The following PPP2R5A variants were observed in gnomAD, a reference collection of about 807,000 sequenced individuals.
PPP2R5A encodes the protein protein phosphatase 2 regulatory subunit B'alpha.
PPP2R5A carries 25 observed loss-of-function variants against 64.2 expected under a neutral mutation model. The ratio of observed to expected loss-of-function variants is 0.39; its 90% CI spans 0.28 to 0.54. The LOEUF (loss-of-function observed/expected upper bound fraction) is 0.54. Among genes scored for constraint, PPP2R5A ranks in the 20% least tolerant of loss-of-function variants. The pLI is 0.67. For missense variants in PPP2R5A, 425 were observed against 576.3 expected (o/e 0.74, Z 2.69); for synonymous variants, 198 against 201.2 (o/e 0.98, Z 0.13).
At chr1:212,356,270 ATT>A (rs1429888006) in intron 8 of PPP2R5A, among the ~76,000 whole-genome samples, 1 of 151,804 alleles carries the variant, frequency 6.6e-6, no homozygotes, top group Non-Finnish European at 1.5e-5. Context: ...ATTTTCCTTT[ATT>A]TTCTTAGAAG....
chr1:212,333,449 T>C (rs754124917), intron 2 of PPP2R5A, 48 bp from the exon 3 acceptor site: 20 of 1,225,002 alleles, frequency 1.6e-5, no homozygotes, highest in Non-Finnish European at 2.0e-5. Context: ...AATTGTCCAA[T>C]TCAATTACAC....
At position 212,350,836 on chromosome 1, in the gene PPP2R5A, T is replaced by G. The variant is rs149333392; in HGVS notation, c.927+1594T>G. 2.8e-3 allele frequency among the ~76,000 whole-genome samples: 426 copies of G among 151,510 alleles called. 17 individuals carry two copies. In the South Asian group the frequency reaches 0.067, roughly 24 times the overall value. On this transcript the variant is annotated intron_variant, in intron 8 of 12. Transcript: ENST00000261461. ...GGATAAGGAAGACAGGTGATTTATT[T>G]TTAAAGAATGGAAGATAGAGGCTGG...
At chr1:212,286,924 G>C (rs989564401) in intron 1 of PPP2R5A, among the ~76,000 whole-genome samples, 2 of 152,162 alleles carry the variant, frequency 1.3e-5, no homozygotes, top group Admixed American at 6.5e-5. Context: ...AGCTTTAAAT[G>C]GTATCCTTTA....
chr1:212,311,165 A>G (rs2102420211), intron 1 of PPP2R5A, among the ~76,000 whole-genome samples: 1 of 152,326 alleles, frequency 6.6e-6, no homozygotes, highest in African/African-American at 2.4e-5. Context: ...AACCAGCTGC[A>G]CTATCATATA....
rs77191229 is a variant in PPP2R5A, at chr1:212,294,934, A to G, written c.181+8643A>G. 1.4e-3 allele frequency among the ~76,000 whole-genome samples: 220 copies of G among 152,298 alleles called. 3 individuals carry two copies. The East Asian group carries it at 0.024, about 16-fold the overall frequency. The stretch of plus-strand genomic sequence containing the variant: ...GGCTAAGAGGTCCACCCAAAAGACA[A>G]TATATGGAGACCCAAAGGTAATTGA... On this transcript the variant is annotated intron_variant, in intron 1 of 12. Coordinates refer to ENST00000261461, the MANE Select transcript of PPP2R5A (RefSeq NM_006243.4).
At chr1:212,303,014 C>T (rs1473730240) in intron 1 of PPP2R5A, among the ~76,000 whole-genome samples, 1 of 152,082 alleles carries the variant, frequency 6.6e-6, no homozygotes, top group Non-Finnish European at 1.5e-5. Flanking sequence ...CATTTCAGTT[C>T]TTTCTACTGT....
At chr1:212,357,379 G>T in intron 11 of PPP2R5A, 95 bp downstream of exon 11, 1 of 1,192,932 alleles carries the variant, frequency 8.4e-7, no homozygotes. Flanking sequence ...ACCTATTACA[G>T]ATTTGGAAGT....
chr1:212,351,909 C>T (rs1659887358), intron 8 of PPP2R5A, among the ~76,000 whole-genome samples: 1 of 151,842 alleles, frequency 6.6e-6, no homozygotes, highest in South Asian at 2.1e-4. Context: ...CAAAACAAAA[C>T]ACCGTTCTTA....
At chr1:212,357,384 G>C in intron 11 of PPP2R5A, 100 bp downstream of exon 11, 1 of 1,137,018 alleles carries the variant, frequency 8.8e-7, no homozygotes. Context: ...TTACAGATTT[G>C]GAAGTTACTC....
intron 7 of PPP2R5A, among the ~76,000 whole-genome samples, chr1:212,348,827 AT>A (rs1280871372): frequency 6.6e-6 from 1 of 152,140 alleles, no homozygotes; most frequent in Admixed American, 6.5e-5. Context: ...AGTTAGAGAG[AT>A]TTTGGTCTCT....
intron 6 of PPP2R5A, 111 bp downstream of exon 6, chr1:212,347,517 G>C: frequency 1.3e-6 from 1 of 770,146 alleles, no homozygotes; most frequent in South Asian, 1.7e-5. Flanking sequence ...TTTAAATGTA[G>C]AACACATAGT....
At chr1:212,346,704 A>G (rs1454880869) in intron 5 of PPP2R5A, among the ~76,000 whole-genome samples, 4 of 152,202 alleles carry the variant, frequency 2.6e-5, no homozygotes, top group African/African-American at 9.6e-5. Flanking sequence ...AGATTTCATA[A>G]CAACACCCAC....
At chr1:212,329,447 T>A in intron 2 of PPP2R5A, 116 bp downstream of exon 2, 1 of 910,014 alleles carries the variant, frequency 1.1e-6, no homozygotes, top group Non-Finnish European at 1.6e-6. Flanking sequence ...CCCCAAATTT[T>A]AGAAAATAGT....
rs1377111292 is a variant in PPP2R5A, at chr1:212,337,224, CT to C, written c.480+3629del. On this transcript the variant is annotated intron_variant, in intron 3 of 12. Coordinates refer to ENST00000261461, the MANE Select transcript of PPP2R5A (RefSeq NM_006243.4). ...CTCATTTCTTTCCTAAGTATTATTG[CT>C]TTCTATTTATTGAAGACTAACAATA... Among the ~76,000 whole-genome samples, 3 of 152,192 alleles carry C rather than the reference CT, an allele frequency of 2.0e-5. No homozygotes were observed. In the East Asian group the frequency reaches 5.8e-4, roughly 29 times the overall value.
intron 1 of PPP2R5A, among the ~76,000 whole-genome samples, chr1:212,318,482 GTTGATACTGCAGGTTATT>G (rs1659201316): frequency 6.6e-6 from 1 of 152,186 alleles, no homozygotes; most frequent in Non-Finnish European, 1.5e-5. Flanking sequence ...ATGACTACAA[GTTGATACTGCAGGTTATT>G]ACATATATTA....
intron 3 of PPP2R5A, among the ~76,000 whole-genome samples, chr1:212,336,042 T>G (rs1169240672): frequency 6.6e-6 from 1 of 152,206 alleles, no homozygotes; most frequent in Non-Finnish European, 1.5e-5. Flanking sequence ...TTATTTAAAT[T>G]CCCTGAAACC....
Position 212,357,128 on chromosome 1 carries a change from T to G in PPP2R5A, c.1099-29T>G, listed in dbSNP as rs759274073. 4 of 1,581,220 alleles carry G rather than the reference T, an allele frequency of 2.5e-6. No individual in the cohort carries two copies. In the African/African-American group the frequency reaches 5.5e-5, roughly 22 times the overall value. The stretch of plus-strand genomic sequence containing the variant: ...CTAGTATTTCTTTCCTATTTTAGTT[T>G]TGACATTTCTCTAAATGTCTTTTTT... On this transcript the variant is annotated intron_variant, in intron 10 of 12. Transcript: ENST00000261461.
intron 3 of PPP2R5A, among the ~76,000 whole-genome samples, chr1:212,335,228 C>T (rs1007030256): frequency 6.6e-6 from 1 of 151,884 alleles, no homozygotes; most frequent in Non-Finnish European, 1.5e-5. Context: ...ACCTGTAATC[C>T]CAGCACTTTG....
At chr1:212,347,165 C>T (rs1365822434) in intron 5 of PPP2R5A, among the ~76,000 whole-genome samples, 182 bp from the exon 6 acceptor site, 1 of 152,106 alleles carries the variant, frequency 6.6e-6, no homozygotes, top group African/African-American at 2.4e-5. Flanking sequence ...CAGTAGGAAA[C>T]ATCTTCTTTT....
Sources: gnomAD v4.1 joint callset for allele counts (sites outside exome capture counted in the v4.1 genomes callset) on GRCh38, gnomAD v4.1.1 for gene constraint, MANE v1.5 for transcripts, NCBI Gene and HGNC (gene_info 2026-07-23, HGNC 2026-07-21) for gene names.